Variants in ACTA2 observed in about 807,000 individuals in gnomAD.
The protein encoded by ACTA2 is actin, aortic smooth muscle.
A neutral mutation model predicts 39.5 loss-of-function variants in ACTA2; 12 were observed. The ratio of observed to expected loss-of-function variants is 0.30; its 90% CI spans 0.19 to 0.49. The LOEUF is 0.49. ACTA2 is among the 20% of genes least tolerant of loss of function. ACTA2 has a pLI of 0.99. For synonymous variants in ACTA2, 158 were observed against 180.6 expected (o/e 0.88, Z 1.00); for missense variants, 236 against 498.8 (o/e 0.47, Z 5.02).
intron 8 of ACTA2, among the ~76,000 whole-genome samples, chr10:88,935,748 GC>G (rs1443121875): frequency 6.6e-6 from 1 of 152,126 alleles, no homozygotes; most frequent in Non-Finnish European, 1.5e-5. Flanking sequence ...ACAAACCCTA[GC>G]CTATTCAAAG....
intron 1 of ACTA2, among the ~76,000 whole-genome samples, chr10:88,950,813 C>T (rs1846036150): frequency 1.3e-5 from 2 of 152,188 alleles, no homozygotes; most frequent in East Asian, 3.8e-4. Flanking sequence ...GGACATACCT[C>T]ATGGAGTTCT....
At chr10:88,938,367 A>G (rs1845784890) in intron 7 of ACTA2, 125 bp from the exon 8 acceptor site, 1 of 1,067,138 alleles carries the variant, frequency 9.4e-7, no homozygotes, top group Non-Finnish European at 1.5e-6. Context: ...ATAATAATCT[A>G]GGAACCACCT....
intron 1 of ACTA2, among the ~76,000 whole-genome samples, chr10:88,970,204 T>C (rs1200393480): frequency 1.3e-5 from 2 of 152,190 alleles, no homozygotes; most frequent in Non-Finnish European, 2.9e-5. Flanking sequence ...TCTCTACTCA[T>C]AGGCAAAGTC....
chr10:88,948,737 G>C, intron 2 of ACTA2, 65 bp downstream of exon 2: 2 of 1,604,586 alleles, frequency 1.2e-6, no homozygotes, highest in Admixed American at 3.3e-5. Flanking sequence ...ACAATCTGGG[G>C]ATAAACATGA....
chr10:88,980,394 G>A (rs1349128278), intron 1 of ACTA2, among the ~76,000 whole-genome samples: 1 of 152,144 alleles, frequency 6.6e-6, no homozygotes, highest in Non-Finnish European at 1.5e-5. Flanking sequence ...GAGGTGACAG[G>A]GAAGCAACAG....
At chr10:88,938,946 T>G (rs1564643151) in intron 7 of ACTA2, among the ~76,000 whole-genome samples, 1 of 152,222 alleles carries the variant, frequency 6.6e-6, no homozygotes, top group Non-Finnish European at 1.5e-5. Flanking sequence ...ATCTATCTCC[T>G]GTAATTCTCA....
At chr10:88,955,251 C>T (rs1270547708), upstream of ACTA2, among the ~76,000 whole-genome samples, 2 of 152,160 alleles carry the variant, frequency 1.3e-5, no homozygotes, top group Non-Finnish European at 2.9e-5. Context: ...TTAGATTAGG[C>T]CATGTAACTA....
At chr10:88,941,022 G>A (rs962673233) in intron 6 of ACTA2, 1 of 619,760 alleles carries the variant, frequency 1.6e-6, no homozygotes, top group Non-Finnish European at 2.9e-6. Flanking sequence ...AACACTGGGT[G>A]TCTATAACTG....
chr10:88,938,729 A>AT lies in ACTA2; in HGVS notation c.809-488dup, dbSNP rs1182865562. The stretch of plus-strand genomic sequence containing the variant: ...GGCTCATTTTTCCAATCTTGCTAAC[A>AT]TTTTTTTTGGGTGGGGGTGGGGGTC... On this transcript the variant is annotated intron_variant, in intron 7 of 8. Transcript: ENST00000224784. Among the ~76,000 whole-genome samples the AT allele has an allele frequency of 3.7e-4, 3 of 8,208 alleles. No individual in the cohort carries two copies. In the East Asian group the frequency reaches 0.01, roughly 28 times the overall value. The allele number at this position is 8,208 out of a possible 152,430, so 5.4% of individuals were successfully genotyped here.
chr10:88,961,856 C>T (rs542670542), intron 1 of ACTA2, among the ~76,000 whole-genome samples: 1 of 152,208 alleles, frequency 6.6e-6, no homozygotes, highest in South Asian at 2.1e-4. Context: ...AAATCACAAA[C>T]CTTAGTGTTT....
intron 1 of ACTA2, chr10:88,973,113 C>G (rs1256952090): frequency 2.0e-6 from 3 of 1,471,210 alleles, no homozygotes; most frequent in African/African-American, 1.4e-5. Flanking sequence ...TTTTATTTTT[C>G]TATTTTAATT....
chr10:88,950,351 TA>T (rs1192402717), intron 1 of ACTA2, among the ~76,000 whole-genome samples: 1 of 152,108 alleles, frequency 6.6e-6, no homozygotes, highest in Non-Finnish European at 1.5e-5. Context: ...CAAATCCATA[TA>T]AAAAAGGCAG....
At chr10:88,983,470 G>A (rs573096463) in intron 1 of ACTA2, among the ~76,000 whole-genome samples, 2 of 152,194 alleles carry the variant, frequency 1.3e-5, no homozygotes, top group Admixed American at 6.5e-5. Flanking sequence ...TTCAGCATAG[G>A]CTTTGGAAGT....
intron 1 of ACTA2, among the ~76,000 whole-genome samples, chr10:88,983,309 G>A (rs926527283): frequency 1.3e-5 from 2 of 152,000 alleles, no homozygotes; most frequent in African/African-American, 2.4e-5. Context: ...AATATGACCC[G>A]GAATTTAAGA....
intron 1 of ACTA2, among the ~76,000 whole-genome samples, chr10:88,976,380 A>G (rs1216844729): frequency 1.3e-5 from 2 of 152,240 alleles, no homozygotes; most frequent in Non-Finnish European, 2.9e-5. Flanking sequence ...GCCAGAGTAA[A>G]CAAGGGGAAA....
At position 88,990,708 on chromosome 10, in the gene ACTA2, G is replaced by T. The variant is rs1399455393; in HGVS notation, c.-24+231C>A. 1.3e-6 allele frequency: 1 copy of T among 760,768 alleles called. No individual in the cohort carries two copies. Among genetic ancestry groups the T allele is most frequent in the Non-Finnish European group, 2.3e-6 (1 of 433,180 alleles). The allele number at this position is 760,768 out of a possible 1,614,324, so 47.1% of individuals were successfully genotyped here. On this transcript the variant is annotated intron_variant, in intron 1 of 4. Coordinates refer to the ACTA2 transcript ENST00000415557. The surrounding 1 kb of genome is among the most constrained non-coding windows in gnomAD (Gnocchi z 4.9). ...GACGCTTCTGGGGAGTGAGGGAAGC[G>T]GTTTACGAGTGACTTGGCTGGAGCC...
Position 88,990,959 on chromosome 10 carries a change from A to G in ACTA2, c.-44T>C. 1 of 1,613,054 alleles carries G rather than the reference A, an allele frequency of 6.2e-7. No homozygotes were observed. The highest frequency in any genetic ancestry group is 1.1e-5 in the South Asian group (1 of 91,052). On this transcript the variant is annotated 5_prime_UTR_variant, in exon 1 of 5. Coordinates refer to the ACTA2 transcript ENST00000415557. The surrounding 1 kb of genome is among the most constrained non-coding windows in gnomAD (Gnocchi z 4.9). ...CTTACCCCGTCTTAGTCCCGGGGAT[A>G]GGCAAAGTGGGGCGGGCGCGGGACG...
chr10:88,941,265 T>C lies in ACTA2; in HGVS notation c.580A>G (p.Ile194Val), dbSNP rs1845843625. 3.1e-6 allele frequency: 5 copies of C among 1,613,968 alleles called. No individual in the cohort carries two copies. In the African/African-American group the frequency reaches 6.7e-5, roughly 22 times the overall value. Reference protein sequence around the residue: ...GRDLTDYLMKILTERGYSFVT... With the variant: ...GRDLTDYLMKVLTERGYSFVT... The stretch of plus-strand genomic sequence containing the variant: ...AAGGAATAGCCACGCTCAGTCAGGA[T>C]CTTCATGAGGTAGTCAGTGAGATCT... Residue 194 changes from isoleucine (I) to valine (V), a missense_variant, in exon 6 of 9, where the codon ATC (isoleucine) becomes GTC (valine). Coordinates refer to ENST00000224784, the MANE Select transcript of ACTA2 (RefSeq NM_001613.4).
intron 1 of ACTA2, among the ~76,000 whole-genome samples, chr10:88,982,171 T>A (rs114593289): frequency 0.018 from 2,671 of 152,318 alleles, 72 homozygotes; most frequent in African/African-American, 0.061. Flanking sequence ...CCTCAAGTGC[T>A]TGGGCCCATG....
Sources: allele counts gnomAD v4.1 joint callset (sites outside exome capture counted in the v4.1 genomes callset), GRCh38; gene constraint gnomAD v4.1.1; non-coding constraint Gnocchi (gnomAD v3.1); transcripts MANE v1.5; gene names NCBI Gene and HGNC (gene_info 2026-07-23, HGNC 2026-07-21).